The following MYT1L variants were observed in gnomAD, a reference collection of about 807,000 sequenced individuals.
MYT1L encodes myelin transcription factor 1 like.
MYT1L carries 12 observed loss-of-function variants against 126.7 expected under a neutral mutation model. That is an observed-to-expected ratio of 0.09 (90% CI 0.06 to 0.15). MYT1L has a LOEUF of 0.15. Among genes scored for constraint, MYT1L ranks in the 10% least tolerant of loss-of-function variants. The probability of loss-of-function intolerance (pLI) is 1.00; values close to 1 mark genes in which losing one functional copy is unlikely to be tolerated. For synonymous variants in MYT1L, 541 were observed against 604.2 expected, an observed-to-expected ratio of 0.90 and a Z score of 1.53; for missense variants, 979 against 1,585.2, an observed-to-expected ratio of 0.62 and a Z score of 6.49.
chr2:2,111,997 G>A lies in MYT1L; in HGVS notation c.-303-57874C>T, dbSNP rs535760635. Among the ~76,000 whole-genome samples, 8 of 152,348 alleles carry A rather than the reference G, an allele frequency of 5.3e-5. No homozygotes were observed. In the South Asian group the frequency reaches 8.3e-4, roughly 16 times the overall value. ...CCTGTTCTATATTGTTCTTTGAAGC[G>A]TGCAAACTTGGGACCACTATTTTTT... On this transcript the variant is annotated intron_variant, in intron 3 of 24. Transcript: ENST00000647738.
At chr2:2,163,610 T>A (rs1290597668) in intron 3 of MYT1L, among the ~76,000 whole-genome samples, 1 of 150,810 alleles carries the variant, frequency 6.6e-6, no homozygotes, top group Non-Finnish European at 1.5e-5. Flanking sequence ...CGGGCGCCTG[T>A]AGTCCCAGCT....
At chr2:1,805,311 T>C (rs113992913) in intron 22 of MYT1L, among the ~76,000 whole-genome samples, 6,732 of 152,320 alleles carry the variant, frequency 0.044, 200 homozygotes, top group South Asian at 0.1. Context: ...AGGGTCCTTC[T>C]TGGCCGAGTC....
chr2:2,136,334 C>T (rs996067957), intron 3 of MYT1L, among the ~76,000 whole-genome samples: 4 of 152,108 alleles, frequency 2.6e-5, no homozygotes, highest in African/African-American at 9.7e-5. Context: ...TACCAAGGAG[C>T]GAGGAATTTA....
chr2:2,180,730 A>G (rs2091356133), intron 2 of MYT1L, among the ~76,000 whole-genome samples: 1 of 138,662 alleles, frequency 7.2e-6, no homozygotes, highest in Non-Finnish European at 1.5e-5. Flanking sequence ...GTGTGCCTGC[A>G]TGTGTGCCTG....
At chr2:1,863,709 G>A (rs1373312710) in intron 18 of MYT1L, among the ~76,000 whole-genome samples, 2 of 149,848 alleles carry the variant, frequency 1.3e-5, no homozygotes, top group Non-Finnish European at 3.0e-5. Context: ...GACAGTGGAA[G>A]GACTTGAACC....
chr2:2,184,066 GGAGA>G (rs1179493417), intron 2 of MYT1L, among the ~76,000 whole-genome samples: 2 of 149,512 alleles, frequency 1.3e-5, no homozygotes, highest in Non-Finnish European at 1.5e-5. Flanking sequence ...AGAAAAAAGG[GGAGA>G]GAGAAACAGA....
chr2:2,313,250 G>T (rs1468397954), intron 1 of MYT1L, among the ~76,000 whole-genome samples: 1 of 146,180 alleles, frequency 6.8e-6, no homozygotes, highest in East Asian at 2.0e-4. Context: ...GCTTTCTGAA[G>T]ATCTCAGCTG....
chr2:1,912,116 C>T lies in MYT1L; in HGVS notation c.1619-6G>A. 6.4e-7 allele frequency: 1 copy of T among 1,564,190 alleles called. No homozygotes were observed. The highest frequency in any genetic ancestry group is 8.7e-7 in the Non-Finnish European group (1 of 1,145,360). On this transcript the variant is annotated splice_polypyrimidine_tract_variant and splice_region_variant and intron_variant, in intron 11 of 24. Transcript: ENST00000647738. The surrounding 1 kb of genome is among the most constrained non-coding windows in gnomAD (Gnocchi z 4.3). ...ACTTTCATGCATGGCAAGGACTTGA[C>T]AGGGAGAGGCAAAGAGAACAGCCAG...
chr2:2,225,675 C>T (rs1232915321), intron 2 of MYT1L, among the ~76,000 whole-genome samples: 2 of 152,200 alleles, frequency 1.3e-5, no homozygotes, highest in Admixed American at 6.5e-5. Flanking sequence ...CCTGCTCCTC[C>T]ATGAGCCGGG....
At chr2:2,120,132 T>C (rs1226841334) in intron 3 of MYT1L, among the ~76,000 whole-genome samples, 1 of 152,192 alleles carries the variant, frequency 6.6e-6, no homozygotes, top group East Asian at 1.9e-4. Flanking sequence ...ATCGCCGGCA[T>C]GCCTCACTAC....
intron 2 of MYT1L, among the ~76,000 whole-genome samples, chr2:2,242,727 G>T (rs2094462072): frequency 6.6e-6 from 1 of 152,160 alleles, no homozygotes. Flanking sequence ...CATTATCAGG[G>T]CCACAGATAG....
At chr2:1,823,696 G>T (rs976629842) in intron 21 of MYT1L, among the ~76,000 whole-genome samples, 3 of 152,144 alleles carry the variant, frequency 2.0e-5, no homozygotes, top group Non-Finnish European at 4.4e-5. Context: ...GTGGCTGGCC[G>T]CATGTTCAGC....
intron 21 of MYT1L, among the ~76,000 whole-genome samples, chr2:1,810,616 A>C (rs1436014424): frequency 1.3e-5 from 2 of 152,166 alleles, no homozygotes; most frequent in Non-Finnish European, 2.9e-5. Flanking sequence ...ATTATTAGAA[A>C]TATCTCTAAT....
At chr2:1,946,020 C>T (rs979233012) in intron 8 of MYT1L, among the ~76,000 whole-genome samples, 11 of 152,082 alleles carry the variant, frequency 7.2e-5, no homozygotes, top group African/African-American at 2.4e-4. Context: ...GGCAAGCGAG[C>T]GAAGCTTCTT....
chr2:1,907,678 T>A (rs1172730853), intron 13 of MYT1L, among the ~76,000 whole-genome samples: 1 of 152,268 alleles, frequency 6.6e-6, no homozygotes, highest in Admixed American at 6.5e-5. Context: ...CTCAGGCTCT[T>A]GTTCATTGAA....
At chr2:2,138,636 T>C (rs1273293587) in intron 3 of MYT1L, among the ~76,000 whole-genome samples, 2,398 of 127,612 alleles carry the variant, frequency 0.019, 20 homozygotes, top group African/African-American at 0.027. Context: ...TAGGTGGGAA[T>C]TGAACAATGA....
intron 2 of MYT1L, among the ~76,000 whole-genome samples, chr2:2,204,493 C>CA (rs1445659675): frequency 6.8e-6 from 1 of 147,582 alleles, no homozygotes; most frequent in Non-Finnish European, 1.5e-5. Flanking sequence ...TTTATGCAGC[C>CA]AAAAAACACA....
At chr2:2,227,210 G>A (rs2094032111) in intron 2 of MYT1L, among the ~76,000 whole-genome samples, 1 of 152,006 alleles carries the variant, frequency 6.6e-6, no homozygotes, top group Non-Finnish European at 1.5e-5. Flanking sequence ...TTTTCTGTCT[G>A]TTCATTCTTT....
At chr2:1,797,176 C>A (rs2033727055) in intron 23 of MYT1L, among the ~76,000 whole-genome samples, 1 of 152,172 alleles carries the variant, frequency 6.6e-6, no homozygotes, top group Non-Finnish European at 1.5e-5. Context: ...ACCCCACAGG[C>A]ACCTCGGCCG....
Sources: gnomAD v4.1 joint callset for allele counts (sites outside exome capture counted in the v4.1 genomes callset) on GRCh38, gnomAD v4.1.1 for gene constraint, Gnocchi (gnomAD v3.1) non-coding constraint, MANE v1.5 for transcripts, NCBI Gene and HGNC (gene_info 2026-07-23, HGNC 2026-07-21) for gene names.